Variants in PKD2L1 observed in about 807,000 individuals in gnomAD.
PKD2L1 encodes polycystin 2 like 1, transient receptor potential cation channel.
PKD2L1 carries 77 observed loss-of-function variants against 93.0 expected under a neutral mutation model. The observed-to-expected ratio is 0.83, with a 90% CI of 0.69 to 1.00. The LOEUF is 1.00. PKD2L1 is among the 50% of genes least tolerant of loss of function. The pLI is 0.00. For missense variants in PKD2L1, 977 were observed against 990.9 expected, an observed-to-expected ratio of 0.99 and a Z score of 0.19; for synonymous variants, 390 against 388.0, an observed-to-expected ratio of 1.01 and a Z score of -0.06.
At position 100,292,938 on chromosome 10, in the gene PKD2L1, G is replaced by C. The variant is rs754513870; in HGVS notation, c.1880+10C>G. On this transcript the variant is annotated intron_variant, in intron 11 of 15. Transcript: ENST00000318222. ...TGTTATTAGAGAAGGCTGGGTCTCT[G>C]GTTGCTCACTCCCTTAAGGTGTTGG... The C allele has an allele frequency of 6.2e-7, 1 of 1,611,806 alleles. No individual in the cohort carries two copies. The highest frequency in any genetic ancestry group is 8.5e-7 in the Non-Finnish European group (1 of 1,178,952).
At chr10:100,298,022 G>A (rs1247102615) in intron 4 of PKD2L1, among the ~76,000 whole-genome samples, 1 of 152,130 alleles carries the variant, frequency 6.6e-6, no homozygotes, top group Non-Finnish European at 1.5e-5. Context: ...GGACCAGGAG[G>A]AAAAGATCCT....
rs1484622883 is a variant in PKD2L1, at chr10:100,297,621, G to A, written c.732-15C>T. The A allele has an allele frequency of 6.3e-7, 1 of 1,592,702 alleles. No individual in the cohort carries two copies. Among genetic ancestry groups the A allele is most frequent in the Admixed American group, 1.7e-5 (1 of 59,800 alleles). Reference sequence around the variant, plus strand: ...GGTATGTCCACCTGCCACAGAAAATGCCAGCTGAGCCAGCCCAAAAGTTCA... The same window carrying A: ...GGTATGTCCACCTGCCACAGAAAATACCAGCTGAGCCAGCCCAAAAGTTCA... On this transcript the variant is annotated splice_polypyrimidine_tract_variant and intron_variant, in intron 4 of 15. Coordinates refer to ENST00000318222, the MANE Select transcript of PKD2L1 (RefSeq NM_016112.3).
chr10:100,323,618 A>C (rs1255595213), intron 2 of PKD2L1, among the ~76,000 whole-genome samples: 2 of 152,164 alleles, frequency 1.3e-5, no homozygotes, highest in Non-Finnish European at 2.9e-5. Context: ...AGATGTATAC[A>C]TCATGGAATG....
intron 13 of PKD2L1, 119 bp from the exon 14 acceptor site, chr10:100,290,257 C>A: frequency 7.1e-7 from 1 of 1,404,882 alleles, no homozygotes; most frequent in Non-Finnish European, 9.9e-7. Flanking sequence ...AGGGAAGACC[C>A]AGCCTTGTAG....
At chr10:100,310,455 C>A (rs1848907903) in intron 2 of PKD2L1, among the ~76,000 whole-genome samples, 1 of 152,200 alleles carries the variant, frequency 6.6e-6, no homozygotes, top group Non-Finnish European at 1.5e-5. Context: ...CTGAGCAAGT[C>A]AACTGATGAT....
At position 100,290,387 on chromosome 10, in the gene PKD2L1, T is replaced by C; in HGVS notation, c.2126+14A>G. 6.4e-7 allele frequency: 1 copy of C among 1,559,410 alleles called. No individual in the cohort carries two copies. The highest frequency in any genetic ancestry group is 8.8e-7 in the Non-Finnish European group (1 of 1,132,160). On this transcript the variant is annotated intron_variant, in intron 13 of 15. Transcript: ENST00000318222. ...GTTGCCAGCCCTGAACCAGCCTTTCTTGGCTGCACGTACATGTAGAATTCT... is the reference window on the plus strand; with the variant it reads ...GTTGCCAGCCCTGAACCAGCCTTTCCTGGCTGCACGTACATGTAGAATTCT...
At position 100,298,654 on chromosome 10, in the gene PKD2L1, A is replaced by C; in HGVS notation, c.639T>G (p.His213Gln). The change falls in exon 4 of 16, where the codon CAT (histidine) becomes CAG (glutamine). Residue 213 changes from histidine (H) to glutamine (Q), a missense_variant. His to Gln is a conservative substitution (Grantham distance 24, BLOSUM62 0). Coordinates refer to ENST00000318222, the MANE Select transcript of PKD2L1 (RefSeq NM_016112.3). ...TCAGAATGTCCTCCCGGAAGTCTTC[A>C]TGCACCACACAGGAGTCATTGCGGA... is the stretch of plus-strand genomic sequence containing the variant. The part of the protein sequence containing the change: ...LKVRNDSCVV[H>Q]EDFREDILSC... 6.2e-7 allele frequency: 1 copy of C among 1,614,164 alleles called. No homozygotes were observed. The highest frequency in any genetic ancestry group is 1.3e-5 in the African/African-American group (1 of 75,044).
At chr10:100,289,815 G>C (rs1848363849) in intron 14 of PKD2L1, among the ~76,000 whole-genome samples, 200 bp downstream of exon 14, 2 of 152,196 alleles carry the variant, frequency 1.3e-5, no homozygotes, top group Admixed American at 6.5e-5. Flanking sequence ...GGCCAAGGCA[G>C]CCCTTAGGCC....
Position 100,299,678 on chromosome 10 carries a change from G to A in PKD2L1, c.390C>T (p.Thr130=). ...GTAAGAAGAGCTCAGACATCACTTT[G>A]GTGTAGTAATAAGCACTGGAGCTTG... The part of the protein sequence containing the change: ...GMTSSSAYYY[T]KVMSELFLHT... The change falls in exon 3 of 16, where the codon ACC becomes ACT. Residue 130 remains threonine, a synonymous_variant. Coordinates refer to ENST00000318222, the MANE Select transcript of PKD2L1 (RefSeq NM_016112.3). 6.2e-7 allele frequency: 1 copy of A among 1,613,016 alleles called. No homozygotes were observed. Among genetic ancestry groups the A allele is most frequent in the Non-Finnish European group, 8.5e-7 (1 of 1,178,978 alleles).
At chr10:100,310,033 G>C (rs1848897663) in intron 2 of PKD2L1, among the ~76,000 whole-genome samples, 2 of 152,204 alleles carry the variant, frequency 1.3e-5, no homozygotes, top group Non-Finnish European at 2.9e-5. Context: ...GGAAAAGAGA[G>C]CTAGAAAAGA....
chr10:100,327,892 G>A (rs1849413157), intron 2 of PKD2L1, among the ~76,000 whole-genome samples: 1 of 152,178 alleles, frequency 6.6e-6, no homozygotes, highest in South Asian at 2.1e-4. Context: ...AGAACAAAGT[G>A]CTTTCTGCCA....
chr10:100,325,890 T>C (rs1023618418), intron 2 of PKD2L1, among the ~76,000 whole-genome samples: 4 of 152,194 alleles, frequency 2.6e-5, no homozygotes, highest in Non-Finnish European at 4.4e-5. Flanking sequence ...ATGATCATTG[T>C]CCAAGGATAA....
At chr10:100,310,409 T>C (rs1459625119) in intron 2 of PKD2L1, among the ~76,000 whole-genome samples, 1 of 152,156 alleles carries the variant, frequency 6.6e-6, no homozygotes, top group African/African-American at 2.4e-5. Flanking sequence ...CTACATTAAT[T>C]AAAATACATT....
intron 2 of PKD2L1, among the ~76,000 whole-genome samples, chr10:100,307,762 A>G (rs987313291): frequency 1.3e-4 from 20 of 152,218 alleles, no homozygotes; most frequent in Non-Finnish European, 2.1e-4. Flanking sequence ...CCACTTCACA[A>G]ACATCCTTTT....
At position 100,296,248 on chromosome 10, in the gene PKD2L1, C is replaced by A. The variant is rs1848534905; in HGVS notation, c.1230G>T (p.Glu410Asp). Residue 410 changes from glutamate to aspartate, a missense_variant, in exon 7 of 16, where the codon GAG (glutamate) becomes GAT (aspartate). Coordinates refer to ENST00000318222, the MANE Select transcript of PKD2L1 (RefSeq NM_016112.3). ...GGAGCTTCCCCATGAGCCGATTCAC[C>A]TCGAGGGTTCGGAATATGTGGAAGC... ...AVGFHIFRTL[E>D]VNRLMGKLLQ... The A allele has an allele frequency of 6.2e-7, 1 of 1,608,796 alleles. No homozygotes were observed. Among genetic ancestry groups the A allele is most frequent in the African/African-American group, 1.3e-5 (1 of 74,512 alleles).
At position 100,288,379 on chromosome 10, in the gene PKD2L1, C is replaced by G. The variant is rs1848322160; in HGVS notation, c.*17G>C. On this transcript the variant is annotated 3_prime_UTR_variant, in exon 16 of 16. Transcript: ENST00000318222. ...CAGAAGATCCTTCATAGACTTTGCT[C>G]CGGGAGTGCCTCACACTTAACTCCT... 6.4e-7 allele frequency: 1 copy of G among 1,557,412 alleles called. No homozygotes were observed. Among genetic ancestry groups the G allele is most frequent in the Admixed American group, 1.7e-5 (1 of 59,922 alleles).
At position 100,314,986 on chromosome 10, in the gene PKD2L1, GGAAGGAAGGAAGGAAGGAAGGAAGGAA is replaced by G. The variant is rs1564891168; in HGVS notation, c.349+14198_349+14224del. On this transcript the variant is annotated intron_variant, in intron 2 of 15. Coordinates refer to ENST00000318222, the MANE Select transcript of PKD2L1 (RefSeq NM_016112.3). ...AAGAAGGAAGGAAGGAAGGAAGGAAGGAAGGAAGGAAGGAAGGAAGGAAGGAAGGGAAGGGAAGGGAAGGGAAGGGAA... is the reference window on the plus strand; with the variant it reads ...AAGAAGGAAGGAAGGAAGGAAGGAAGGGGAAGGGAAGGGAAGGGAAGGGAA... 3.7e-3 allele frequency among the ~76,000 whole-genome samples: 54 copies of G among 14,500 alleles called. 1 individual carries two copies. The highest frequency in any genetic ancestry group is 4.3e-3 in the Admixed American group (4 of 930). The allele number at this position is 14,500 out of a possible 152,430, so 9.5% of individuals were successfully genotyped here. A position where few individuals can be genotyped will look rare whatever the true frequency, so the allele number is the denominator to read the frequency against.
At chr10:100,318,461 A>G (rs1034727976) in intron 2 of PKD2L1, among the ~76,000 whole-genome samples, 2 of 151,562 alleles carry the variant, frequency 1.3e-5, no homozygotes, top group African/African-American at 2.4e-5. Flanking sequence ...CACTTACATC[A>G]GCAGTACTCC....
In PKD2L1 at chr10:100,329,993, G is replaced by C. The variant is rs1457681563; in HGVS notation, c.111C>G (p.Val37=). 6.2e-7 allele frequency: 1 copy of C among 1,613,772 alleles called. No individual in the cohort carries two copies. Among genetic ancestry groups the C allele is most frequent in the East Asian group, 2.2e-5 (1 of 44,882 alleles). ...GPPSPHGTLR[V]CTISSTGPLQ... Reference sequence around the variant, plus strand: ...GAGGCCCCGTGCTGGAGATGGTGCAGACTCTCAGCGTCCCGTGTGGGGAAG... The same window carrying C: ...GAGGCCCCGTGCTGGAGATGGTGCACACTCTCAGCGTCCCGTGTGGGGAAG... Residue 37 remains valine, a synonymous_variant, in exon 1 of 16, where the codon GTC becomes GTG. Transcript: ENST00000318222.
Sources: allele counts gnomAD v4.1 joint callset (sites outside exome capture counted in the v4.1 genomes callset), GRCh38; gene constraint gnomAD v4.1.1; transcripts MANE v1.5; gene names NCBI Gene and HGNC (gene_info 2026-07-23, HGNC 2026-07-21).